CDK5RAP1: variants seen among roughly 807,000 people sequenced by gnomAD.
The protein encoded by CDK5RAP1 is mitochondrial tRNA methylthiotransferase CDK5RAP1.
In CDK5RAP1, 62 loss-of-function variants were observed where a neutral mutation model predicts 64.5. The ratio of observed to expected loss-of-function variants is 0.96; its 90% CI spans 0.78 to 1.19. The LOEUF (loss-of-function observed/expected upper bound fraction) is 1.19, where lower values mean the gene tolerates loss of function less well. Among genes scored for constraint, CDK5RAP1 ranks in the 50% most tolerant of loss-of-function variants. The pLI is 0.00. For synonymous variants in CDK5RAP1, 250 were observed against 261.9 expected (o/e 0.95, Z 0.44); for missense variants, 657 against 735.0 (o/e 0.89, Z 1.23).
intron 5 of CDK5RAP1, among the ~76,000 whole-genome samples, chr20:33,388,879 G>C (rs1234522771): frequency 6.6e-6 from 1 of 152,116 alleles, no homozygotes; most frequent in Non-Finnish European, 1.5e-5. Context: ...TGCCAGCCTC[G>C]GCCTCCTGAG....
chr20:33,389,203 C>G (rs1448498208), intron 5 of CDK5RAP1, among the ~76,000 whole-genome samples: 2 of 151,680 alleles, frequency 1.3e-5, no homozygotes, highest in African/African-American at 4.8e-5. Context: ...GGCCACCCAT[C>G]GTCTGAGATG....
intron 4 of CDK5RAP1, 84 bp from the exon 5 acceptor site, chr20:33,392,326 A>T (rs992247893): frequency 1.3e-6 from 1 of 750,548 alleles, no homozygotes; most frequent in Non-Finnish European, 2.2e-6. Context: ...AAGAAAATAA[A>T]AACCACCTTC....
Position 33,370,559 on chromosome 20 carries a change from G to A in CDK5RAP1, c.1332C>T (p.Val444=). 6.2e-7 allele frequency: 1 copy of A among 1,614,148 alleles called. No individual in the cohort carries two copies. Among genetic ancestry groups the A allele is most frequent in the Non-Finnish European group, 8.5e-7 (1 of 1,180,016 alleles). ...TGTACTGAACTTCCCGGAGCAAAGA[G>A]ACTGTCTGGACGTGATCTTCCTCCG... ...GETEEDHVQT[V]SLLREVQYNM... is the part of the protein sequence containing the mutation. The change falls in exon 11 of 14, where the codon GTC becomes GTT. Residue 444 remains valine (V), a synonymous_variant. Transcript: ENST00000346416.
In CDK5RAP1 at chr20:33,395,129, G is replaced by A; in HGVS notation, c.305-13C>T. Reference sequence around the variant, plus strand: ...GTCTCGAGGTAGACTGCAGTGAGAGGTTGGGGGGAATCCATGGTAGACAGA... The same window carrying A: ...GTCTCGAGGTAGACTGCAGTGAGAGATTGGGGGGAATCCATGGTAGACAGA... On this transcript the variant is annotated splice_polypyrimidine_tract_variant and intron_variant, in intron 2 of 13. Coordinates refer to ENST00000346416, the MANE Select transcript of CDK5RAP1 (RefSeq NM_016408.4). 1 of 1,504,342 alleles carries A rather than the reference G, an allele frequency of 6.6e-7. No individual in the cohort carries two copies. Among genetic ancestry groups the A allele is most frequent in the Non-Finnish European group, 9.3e-7 (1 of 1,080,358 alleles). 93.2% of individuals were successfully genotyped at this position (1,504,342 alleles called of 1,614,324 possible).
chr20:33,365,927 G>T (rs1983841659), intron 12 of CDK5RAP1, among the ~76,000 whole-genome samples: 1 of 152,222 alleles, frequency 6.6e-6, no homozygotes, highest in South Asian at 2.1e-4. Flanking sequence ...AGGAAAGAAA[G>T]TCTCCTCTAA....
chr20:33,385,830 G>A, intron 6 of CDK5RAP1, 60 bp from the exon 7 acceptor site: 1 of 1,510,714 alleles, frequency 6.6e-7, no homozygotes, highest in Admixed American at 2.0e-5. Flanking sequence ...ATGACCCAAG[G>A]AGCAGGACTC....
chr20:33,392,071 G>A lies in CDK5RAP1; in HGVS notation c.544+71C>T. On this transcript the variant is annotated intron_variant, in intron 5 of 13. Transcript: ENST00000346416. ...GACACTGGGAATCCAGCCTCTAAAG[G>A]AAACACTAGCAAATAAAGCCACATA... is the stretch of plus-strand genomic sequence containing the variant. The A allele has an allele frequency of 3.2e-6, 3 of 932,418 alleles. No homozygotes were observed. The South Asian group carries it at 4.3e-5, about 13-fold the overall frequency. 57.8% of individuals were successfully genotyped at this position (932,418 alleles called of 1,614,324 possible). A position where few individuals can be genotyped will look rare whatever the true frequency, so the allele number is the denominator to read the frequency against.
At chr20:33,363,278 G>A (rs1983266004) in intron 12 of CDK5RAP1, among the ~76,000 whole-genome samples, 1 of 152,188 alleles carries the variant, frequency 6.6e-6, no homozygotes, top group Admixed American at 6.5e-5. Context: ...AGAGAGACAT[G>A]ACAGTTAAAT....
At chr20:33,385,371 C>T (rs1268126816) in intron 7 of CDK5RAP1, among the ~76,000 whole-genome samples, 2 of 152,176 alleles carry the variant, frequency 1.3e-5, no homozygotes, top group Non-Finnish European at 2.9e-5. Flanking sequence ...AACTGCATTA[C>T]GACGACAGTT....
chr20:33,364,188 C>CTTTTTTTTTTTTTTTTTTT (rs11479107), intron 12 of CDK5RAP1, among the ~76,000 whole-genome samples: 2 of 135,508 alleles, frequency 1.5e-5, no homozygotes, highest in Non-Finnish European at 1.6e-5. Context: ...GAAGAAATAG[C>CTTTTTTTTTTTTTTTTTTT]TTTTTTTTTT....
chr20:33,360,577 T>G (rs909692611), intron 12 of CDK5RAP1, 86 bp from the exon 13 acceptor site: 9 of 1,212,894 alleles, frequency 7.4e-6, no homozygotes, highest in Middle Eastern at 2.8e-4. Flanking sequence ...CTGTCTCGGA[T>G]CCCCAAGAGT....
Position 33,360,373 on chromosome 20 carries a change from G to A in CDK5RAP1, c.1661C>T (p.Pro554Leu). Residue 554 changes from proline (P) to leucine (L), a missense_variant, in exon 13 of 14, where the codon CCT becomes CTT. Pro to Leu is a moderately conservative substitution (Grantham distance 98). Coordinates refer to ENST00000346416, the MANE Select transcript of CDK5RAP1 (RefSeq NM_016408.4). The stretch of plus-strand genomic sequence containing the variant: ...CACCTTCACCAGCACATAGTCCCCA[G>A]GCTGGGCTCTGACCCTGAGCCCAGG... The part of the protein sequence containing the change: ...NNPGLRVRAQ[P>L]GDYVLVKITS... 6.2e-7 allele frequency: 1 copy of A among 1,614,070 alleles called. No individual in the cohort carries two copies. Among genetic ancestry groups the A allele is most frequent in the Non-Finnish European group, 8.5e-7 (1 of 1,179,954 alleles).
At chr20:33,383,967 G>T (rs1213047553) in intron 7 of CDK5RAP1, among the ~76,000 whole-genome samples, 1 of 152,078 alleles carries the variant, frequency 6.6e-6, no homozygotes, top group Non-Finnish European at 1.5e-5. Flanking sequence ...TGTTAGCTGG[G>T]GCAGAGGGGT....
At chr20:33,377,832 A>G (rs1986215230) in intron 8 of CDK5RAP1, among the ~76,000 whole-genome samples, 1 of 152,132 alleles carries the variant, frequency 6.6e-6, no homozygotes, top group Non-Finnish European at 1.5e-5. Context: ...TTCTATTTTT[A>G]GTAGAGACAG....
rs1365324175 is a variant in CDK5RAP1 at position 33,360,195 on chromosome 20, T to A, written c.1683+156A>T. Reference sequence around the variant, plus strand: ...ATAAGAAGGCATTAGTAAGGAGCAGTCTAAAATCCAATCCAAAGTGCCCTT... The same window carrying A: ...ATAAGAAGGCATTAGTAAGGAGCAGACTAAAATCCAATCCAAAGTGCCCTT... On this transcript the variant is annotated intron_variant, in intron 13 of 13. Transcript: ENST00000346416. 2.2e-5 allele frequency: 14 copies of A among 649,518 alleles called. No individual in the cohort carries two copies. In the Admixed American group the frequency reaches 3.3e-4, roughly 15 times the overall value. The allele number at this position is 649,518 out of a possible 1,614,324, so 40.2% of individuals were successfully genotyped here. A position where few individuals can be genotyped will look rare whatever the true frequency, so the allele number is the denominator to read the frequency against.
intron 12 of CDK5RAP1, among the ~76,000 whole-genome samples, chr20:33,361,901 A>T (rs912951256): frequency 9.7e-5 from 14 of 144,102 alleles, no homozygotes; most frequent in African/African-American, 3.6e-4. Flanking sequence ...GGTTGCAGTG[A>T]GCCGAGATCA....
intron 4 of CDK5RAP1, among the ~76,000 whole-genome samples, chr20:33,393,634 C>T (rs1988581103): frequency 6.6e-6 from 1 of 152,086 alleles, no homozygotes; most frequent in South Asian, 2.1e-4. Flanking sequence ...ATGGGAGTCA[C>T]CCATCTCTAC....
chr20:33,370,662 G>A lies in CDK5RAP1; in HGVS notation c.1262-33C>T. 3 of 1,613,160 alleles carry A rather than the reference G, an allele frequency of 1.9e-6. No individual in the cohort carries two copies. The South Asian group carries it at 3.3e-5, about 18-fold the overall frequency. On this transcript the variant is annotated intron_variant, in intron 10 of 13. Coordinates refer to ENST00000346416, the MANE Select transcript of CDK5RAP1 (RefSeq NM_016408.4). ...ACACAGCAAAGGATGACAGGTGACTGCCTGCTGTTTACCTTCAAGGGAGGC... is the reference window on the plus strand; with the variant it reads ...ACACAGCAAAGGATGACAGGTGACTACCTGCTGTTTACCTTCAAGGGAGGC...
Position 33,370,548 on chromosome 20 carries a change from C to T in CDK5RAP1, c.1343G>A (p.Arg448Gln), listed in dbSNP as rs762924338. The T allele has an allele frequency of 9.9e-6, 16 of 1,614,000 alleles. No individual in the cohort carries two copies. The highest frequency in any genetic ancestry group is 1.7e-5 in the Admixed American group (1 of 59,990). The change falls in exon 11 of 14, where the codon CGG becomes CAG. Residue 448 changes from arginine (R) to glutamine (Q), a missense_variant. Arg to Gln is a conservative substitution (Grantham distance 43, BLOSUM62 1). Transcript: ENST00000346416. ...GAAGCCCATGTTGTACTGAACTTCCCGGAGCAAAGAGACTGTCTGGACGTG... is the reference window on the plus strand; with the variant it reads ...GAAGCCCATGTTGTACTGAACTTCCTGGAGCAAAGAGACTGTCTGGACGTG... ...EDHVQTVSLLREVQYNMGFLF... is the reference protein window; with the variant it reads ...EDHVQTVSLLQEVQYNMGFLF...
Sources: allele counts gnomAD v4.1 joint callset (sites outside exome capture counted in the v4.1 genomes callset), GRCh38; gene constraint gnomAD v4.1.1; transcripts MANE v1.5; gene names NCBI Gene and HGNC (gene_info 2026-07-23, HGNC 2026-07-21).